Variants in LRSAM1 observed in about 807,000 individuals in gnomAD.
LRSAM1 encodes leucine rich repeat and sterile alpha motif containing 1, also known as E3 ubiquitin-protein ligase LRSAM1.
LRSAM1 carries 96 observed loss-of-function variants against 118.1 expected under a neutral mutation model. That is an observed-to-expected ratio of 0.81 (90% CI 0.69 to 0.96). The LOEUF (loss-of-function observed/expected upper bound fraction) is 0.96, where lower values mean the gene tolerates loss of function less well. Among genes scored for constraint, LRSAM1 ranks in the 40% least tolerant of loss-of-function variants. The pLI is 0.00. For missense variants in LRSAM1, 804 were observed against 915.5 expected, an observed-to-expected ratio of 0.88 and a Z score of 1.57; for synonymous variants, 322 against 364.2, an observed-to-expected ratio of 0.88 and a Z score of 1.32.
intron 5 of LRSAM1, among the ~76,000 whole-genome samples, chr9:127,456,549 C>A (rs1564250184): frequency 6.6e-6 from 1 of 152,044 alleles, no homozygotes; most frequent in Non-Finnish European, 1.5e-5. Context: ...AAGTGTTGGG[C>A]CGCAGTCAAT....
At chr9:127,497,374 G>A (rs762065328) in intron 24 of LRSAM1, 40 bp downstream of exon 24, 1 of 1,590,554 alleles carries the variant, frequency 6.3e-7, no homozygotes, top group Non-Finnish European at 8.6e-7. Context: ...CAGGGCTCCA[G>A]CCGTATGTGT....
chr9:127,502,629 G>A (rs1836434117), intron 25 of LRSAM1, 145 bp from the exon 26 acceptor site: 1 of 1,013,208 alleles, frequency 9.9e-7, no homozygotes, highest in African/African-American at 1.7e-5. Context: ...TGAGGTTGCA[G>A]TGAGCTGAGA....
At chr9:127,485,713 G>A (rs1196163082) in intron 16 of LRSAM1, 23 bp from the exon 17 acceptor site, 6 of 1,613,226 alleles carry the variant, frequency 3.7e-6, no homozygotes, top group Non-Finnish European at 1.7e-6. Flanking sequence ...CCACTCAGCT[G>A]TCCCCACCTC....
chr9:127,488,343 CCT>C (rs1175668835), intron 18 of LRSAM1, among the ~76,000 whole-genome samples: 1 of 152,120 alleles, frequency 6.6e-6, no homozygotes, highest in African/African-American at 2.4e-5. Context: ...CTCACTGCAA[CCT>C]CTGTCTCCCA....
At chr9:127,459,217 GTT>G (rs373307015) in intron 7 of LRSAM1, 146 bp downstream of exon 7, 3,505 of 571,058 alleles carry the variant, frequency 6.1e-3, no homozygotes, top group East Asian at 0.012. Context: ...GCCCTTTGGG[GTT>G]TTTTTTTTTT....
intron 18 of LRSAM1, 58 bp from the exon 19 acceptor site, chr9:127,489,386 G>A: frequency 3.2e-6 from 5 of 1,557,036 alleles, no homozygotes; most frequent in Non-Finnish European, 4.4e-6. Context: ...ACAGGGATGG[G>A]GCTGCAGGGA....
chr9:127,500,348 G>A (rs1343777262), intron 24 of LRSAM1, among the ~76,000 whole-genome samples: 4 of 31,398 alleles, frequency 1.3e-4, no homozygotes, highest in South Asian at 6.7e-4. Context: ...GTGACAGAGC[G>A]AGACTGTCTC....
intron 2 of LRSAM1, among the ~76,000 whole-genome samples, chr9:127,452,495 A>T (rs1834360868): frequency 1.3e-5 from 2 of 152,128 alleles, no homozygotes; most frequent in African/African-American, 4.8e-5. Flanking sequence ...TGTCTTCTTC[A>T]ACTGCATCTC....
At chr9:127,497,164 C>A in intron 23 of LRSAM1, 89 bp from the exon 24 acceptor site, 1 of 1,339,518 alleles carries the variant, frequency 7.5e-7, no homozygotes, top group Non-Finnish European at 1.1e-6. Context: ...TGTCGACGGT[C>A]CTGTGAGCCT....
intron 8 of LRSAM1, 142 bp from the exon 9 acceptor site, chr9:127,462,108 ACT>A: frequency 8.7e-7 from 1 of 1,147,004 alleles, no homozygotes; most frequent in Middle Eastern, 2.3e-4. Flanking sequence ...TTGAACTGGA[ACT>A]CCACCTTCTT....
Position 127,496,552 on chromosome 9 carries a change from G to A in LRSAM1, c.1830+457G>A, listed in dbSNP as rs150462961. Among the ~76,000 whole-genome samples, 403 of 152,322 alleles carry A rather than the reference G, an allele frequency of 2.6e-3. 1 individual carries two copies. The highest frequency in any genetic ancestry group is 3.9e-3 in the Non-Finnish European group (268 of 68,034). On this transcript the variant is annotated intron_variant, in intron 23 of 25. Coordinates refer to ENST00000300417, the MANE Select transcript of LRSAM1 (RefSeq NM_001005373.4). The stretch of plus-strand genomic sequence containing the variant: ...CCAGCTAACTTTGTAGCACCTGCAC[G>A]TGCGGGGCACCATTTTAAGCACTTT...
In LRSAM1 at chr9:127,497,195, A is replaced by G. The variant is rs185352597; in HGVS notation, c.1831-58A>G. ...AGCCTGGGCCTGTGCCACGTGGCTC[A>G]CACCATTTAGCGGGCTCCCGCCCAG... On this transcript the variant is annotated intron_variant, in intron 23 of 25. Coordinates refer to ENST00000300417, the MANE Select transcript of LRSAM1 (RefSeq NM_001005373.4). 2,433 of 1,576,278 alleles carry G rather than the reference A, an allele frequency of 1.5e-3. 26 individuals are homozygous for G. In the African/African-American group the frequency reaches 0.025, roughly 16 times the overall value.
At chr9:127,501,766 T>C (rs1449915991) in intron 25 of LRSAM1, among the ~76,000 whole-genome samples, 1 of 152,178 alleles carries the variant, frequency 6.6e-6, no homozygotes, top group African/African-American at 2.4e-5. Context: ...AAAAATTCAT[T>C]AACACTTACT....
intron 4 of LRSAM1, 65 bp downstream of exon 4, chr9:127,455,119 T>G (rs984897512): frequency 1.3e-6 from 2 of 1,522,546 alleles, no homozygotes; most frequent in Non-Finnish European, 1.8e-6. Flanking sequence ...CTTGTGTCCC[T>G]AGGAAAGACA....
intron 21 of LRSAM1, among the ~76,000 whole-genome samples, chr9:127,494,956 G>A (rs1309892282): frequency 6.6e-6 from 1 of 152,122 alleles, no homozygotes; most frequent in East Asian, 1.9e-4. Flanking sequence ...GTTTTGTTTT[G>A]TTTTGTTTTT....
At chr9:127,454,849 G>A in intron 3 of LRSAM1, 149 bp from the exon 4 acceptor site, 1 of 881,186 alleles carries the variant, frequency 1.1e-6, no homozygotes, top group Non-Finnish European at 1.9e-6. Flanking sequence ...GAAAGCAGGG[G>A]TCATTGGTTC....
chr9:127,494,808 G>A (rs926461274), intron 21 of LRSAM1, among the ~76,000 whole-genome samples: 3 of 152,118 alleles, frequency 2.0e-5, no homozygotes, highest in African/African-American at 4.8e-5. Context: ...AGCCGGGCAT[G>A]GTGGCACACA....
chr9:127,500,637 C>T (rs1312493398), intron 24 of LRSAM1, among the ~76,000 whole-genome samples: 1 of 152,190 alleles, frequency 6.6e-6, no homozygotes, highest in African/African-American at 2.4e-5. Context: ...CACCAGATGG[C>T]CACATGGCCC....
At chr9:127,456,572 T>C (rs1834525251) in intron 5 of LRSAM1, among the ~76,000 whole-genome samples, 1 of 151,006 alleles carries the variant, frequency 6.6e-6, no homozygotes, top group Admixed American at 6.6e-5. Context: ...CTAAGAAAAA[T>C]GCAGTAGATT....
Sources: gnomAD v4.1 joint callset for allele counts (sites outside exome capture counted in the v4.1 genomes callset) on GRCh38, gnomAD v4.1.1 for gene constraint, MANE v1.5 for transcripts, NCBI Gene and HGNC (gene_info 2026-07-23, HGNC 2026-07-21) for gene names.